Variants in NOL4 observed in about 807,000 individuals in gnomAD.
The protein encoded by NOL4 is cancer/testis antigen 125.
A neutral mutation model predicts 75.9 loss-of-function variants in NOL4; 17 were observed. The ratio of observed to expected loss-of-function variants is 0.22; its 90% CI spans 0.15 to 0.34. The LOEUF (loss-of-function observed/expected upper bound fraction) is 0.34. NOL4 is among the 10% of genes least tolerant of loss of function. The pLI, the probability that NOL4 is intolerant of heterozygous loss-of-function variation, is 1.00. For missense variants in NOL4, 614 were observed against 793.5 expected (o/e 0.77, Z 2.72); for synonymous variants, 292 against 289.9 (o/e 1.01, Z -0.07).
chr18:34,122,116 A>T (rs1021261842), intron 2 of NOL4, among the ~76,000 whole-genome samples: 2 of 152,178 alleles, frequency 1.3e-5, no homozygotes, highest in Non-Finnish European at 2.9e-5. Flanking sequence ...TAGGTTACTG[A>T]CTCAGTTTCT....
chr18:33,998,236 C>T (rs2073434046), intron 6 of NOL4, among the ~76,000 whole-genome samples: 1 of 152,016 alleles, frequency 6.6e-6, no homozygotes, highest in South Asian at 2.1e-4. Flanking sequence ...CTAAGAACCA[C>T]TGAAATGTAC....
At position 34,154,818 on chromosome 18, in the gene NOL4, T is replaced by C. The variant is rs78532183; in HGVS notation, c.265-24798A>G. Among the ~76,000 whole-genome samples the C allele has an allele frequency of 7.6e-3, 1,150 of 152,150 alleles. 15 individuals are homozygous for C. Among genetic ancestry groups the C allele is most frequent in the African/African-American group, 0.025 (1,059 of 41,544 alleles). On this transcript the variant is annotated intron_variant, in intron 1 of 10. Transcript: ENST00000261592. The stretch of plus-strand genomic sequence containing the variant: ...CAACATTCTCACAAACTCTTTGGAA[T>C]GGCATTCTCTTTCATTGTTGTCATT...
At chr18:34,130,731 C>A (rs191019967) in intron 1 of NOL4, among the ~76,000 whole-genome samples, 122 of 152,152 alleles carry the variant, frequency 8.0e-4, no homozygotes, top group African/African-American at 2.9e-3. Context: ...AGGATGTAAT[C>A]CAATGTTTAC....
chr18:34,058,797 A>C (rs1316209585), intron 5 of NOL4, among the ~76,000 whole-genome samples: 1 of 152,156 alleles, frequency 6.6e-6, no homozygotes. Context: ...GAATTATTAA[A>C]TGGATCTACC....
At chr18:33,881,648 C>A (rs1418027417) in intron 10 of NOL4, among the ~76,000 whole-genome samples, 1 of 152,022 alleles carries the variant, frequency 6.6e-6, no homozygotes, top group East Asian at 1.9e-4. Context: ...TTTACAGATT[C>A]AATGCCATCC....
chr18:33,943,241 T>C lies in NOL4; in HGVS notation c.1429-63A>G. The C allele has an allele frequency of 2.8e-6, 3 of 1,078,628 alleles. No homozygotes were observed. In the East Asian group the frequency reaches 7.3e-5, roughly 26 times the overall value. 66.8% of individuals were successfully genotyped at this position (1,078,628 alleles called of 1,614,324 possible). On this transcript the variant is annotated intron_variant, in intron 8 of 10. Coordinates refer to ENST00000261592, the MANE Select transcript of NOL4 (RefSeq NM_003787.5). ...AACAGTATCATTAACAGGCCAATGC[T>C]ATTCTCAGAAGAGCTCTCAGGATCA... is the stretch of plus-strand genomic sequence containing the variant.
At chr18:34,087,321 A>T (rs2078287045) in intron 5 of NOL4, among the ~76,000 whole-genome samples, 1 of 152,086 alleles carries the variant, frequency 6.6e-6, no homozygotes, top group South Asian at 2.1e-4. Flanking sequence ...TCTCACAATC[A>T]GATTGCTATT....
intron 1 of NOL4, among the ~76,000 whole-genome samples, chr18:34,132,978 T>C (rs2080724454): frequency 6.6e-6 from 1 of 151,952 alleles, no homozygotes; most frequent in South Asian, 2.1e-4. Context: ...CTTTCAAAAA[T>C]TAAGGTGAAG....
chr18:34,202,499 C>T (rs996222862), intron 1 of NOL4, among the ~76,000 whole-genome samples: 4 of 151,808 alleles, frequency 2.6e-5, no homozygotes, highest in African/African-American at 4.8e-5. Flanking sequence ...CCTGGTTGGA[C>T]GATTTAGACC....
intron 9 of NOL4, among the ~76,000 whole-genome samples, chr18:33,937,917 A>G (rs1029612637): frequency 4.6e-5 from 7 of 152,118 alleles, no homozygotes; most frequent in African/African-American, 1.7e-4. Context: ...CTAGATTGCT[A>G]GTTATAGTAA....
At chr18:33,967,946 C>T (rs1443107159) in intron 6 of NOL4, among the ~76,000 whole-genome samples, 1 of 151,830 alleles carries the variant, frequency 6.6e-6, no homozygotes, top group Non-Finnish European at 1.5e-5. Flanking sequence ...ATTAGCCAGG[C>T]GTGGTGGCGG....
Position 34,019,493 on chromosome 18 carries a change from T to A in NOL4, c.881A>T (p.Lys294Ile), listed in dbSNP as rs1415551411. The A allele has an allele frequency of 1.2e-6, 2 of 1,614,080 alleles. No individual in the cohort carries two copies. ...CTGTTCATCTTGCTCCAGCCCAGTT[T>A]TGCCATCACTGTTGGAGTCTCCCAT... Reference protein sequence around the residue: ...REMGDSNSDGKTGLEQDEQPL... With the variant: ...REMGDSNSDGITGLEQDEQPL... Residue 294 changes from lysine (K) to isoleucine (I), a missense_variant, in exon 6 of 11, where the codon AAA (lysine) becomes ATA (isoleucine). Coordinates refer to ENST00000261592, the MANE Select transcript of NOL4 (RefSeq NM_003787.5).
chr18:34,222,197 C>T, intron 1 of NOL4: 1 of 1,452,234 alleles, frequency 6.9e-7, no homozygotes, highest in Non-Finnish European at 9.0e-7. Context: ...GGCGCCTGGG[C>T]TAGAGCTTTG....
At chr18:34,007,084 C>A (rs550567519) in intron 6 of NOL4, among the ~76,000 whole-genome samples, 2 of 151,982 alleles carry the variant, frequency 1.3e-5, no homozygotes, top group African/African-American at 4.8e-5. Context: ...CCAGGAGACA[C>A]AACAATGATT....
intron 9 of NOL4, among the ~76,000 whole-genome samples, chr18:33,916,041 C>G (rs1422696970): frequency 6.6e-6 from 1 of 152,054 alleles, no homozygotes; most frequent in Non-Finnish European, 1.5e-5. Context: ...TAAGTGACTC[C>G]CAAAGCTATG....
intron 10 of NOL4, among the ~76,000 whole-genome samples, chr18:33,875,968 G>C (rs1283590648): frequency 6.6e-6 from 1 of 152,024 alleles, no homozygotes; most frequent in Non-Finnish European, 1.5e-5. Flanking sequence ...GTGGAAGGAT[G>C]ATGAGGTAGA....
At chr18:34,007,350 C>A (rs2074093648) in intron 6 of NOL4, among the ~76,000 whole-genome samples, 1 of 151,970 alleles carries the variant, frequency 6.6e-6, no homozygotes, top group African/African-American at 2.4e-5. Flanking sequence ...CCAATCCAAA[C>A]AAGGCTACTA....
chr18:34,034,559 C>T (rs1159636437), intron 5 of NOL4, among the ~76,000 whole-genome samples: 1 of 151,984 alleles, frequency 6.6e-6, no homozygotes, highest in African/African-American at 2.4e-5. Flanking sequence ...GCCAACACAG[C>T]AAAACCCTGT....
chr18:33,974,928 G>A (rs1434266914), intron 6 of NOL4, among the ~76,000 whole-genome samples: 1 of 152,162 alleles, frequency 6.6e-6, no homozygotes, highest in Non-Finnish European at 1.5e-5. Context: ...ACTGTCCATG[G>A]CTGGATGAAT....
Sources: allele counts gnomAD v4.1 joint callset (sites outside exome capture counted in the v4.1 genomes callset), GRCh38; gene constraint gnomAD v4.1.1; transcripts MANE v1.5; gene names NCBI Gene and HGNC (gene_info 2026-07-23, HGNC 2026-07-21).